Variants in ADA2 observed in about 807,000 individuals in gnomAD.
The protein encoded by ADA2 is adenosine deaminase CECR1.
ADA2 carries 29 observed loss-of-function variants against 44.2 expected under a neutral mutation model. The observed-to-expected ratio is 0.66, with a 90% confidence interval of 0.49 to 0.89. ADA2 has a LOEUF of 0.89. ADA2 is among the 40% of genes least tolerant of loss of function. ADA2 has a pLI of 0.00. For missense variants in ADA2, 637 were observed against 644.8 expected (o/e 0.99, Z 0.13); for synonymous variants, 215 against 234.9 (o/e 0.92, Z 0.77).
At chr22:17,188,080 AAAG>A (rs2062058619) in intron 7 of ADA2, among the ~76,000 whole-genome samples, 1 of 103,576 alleles carries the variant, frequency 9.7e-6, no homozygotes, top group Non-Finnish European at 2.1e-5. Context: ...TCCGTAAAAA[AAAG>A]AAAAAAAAAG....
chr22:17,200,903 T>TA (rs1272653682), intron 4 of ADA2, among the ~76,000 whole-genome samples: 2 of 130,942 alleles, frequency 1.5e-5, no homozygotes, highest in Admixed American at 1.5e-4. Context: ...AAAACATATC[T>TA]AAGGAAAAAG....
chr22:17,203,524 A>C, intron 4 of ADA2, 39 bp downstream of exon 4: 1 of 1,527,826 alleles, frequency 6.5e-7, no homozygotes, highest in South Asian at 1.1e-5. Flanking sequence ...AGGCCAGAGC[A>C]AAGGAGGTGG....
chr22:17,182,563 A>C (rs760508496), intron 8 of ADA2, 41 bp downstream of exon 8: 1 of 1,602,978 alleles, frequency 6.2e-7, no homozygotes, highest in South Asian at 1.1e-5. Flanking sequence ...GGTTGTGGTT[A>C]GGGGAGATCA....
At chr22:17,214,844 G>A (rs184564188) in intron 1 of ADA2, among the ~76,000 whole-genome samples, 10 of 152,340 alleles carry the variant, frequency 6.6e-5, no homozygotes, top group African/African-American at 2.2e-4. Context: ...ATTGCTAATG[G>A]ATCACAGCAT....
chr22:17,191,425 TG>T (rs1301875805), intron 5 of ADA2, among the ~76,000 whole-genome samples: 3 of 152,234 alleles, frequency 2.0e-5, no homozygotes, highest in Non-Finnish European at 4.4e-5. Context: ...GAGAATTATC[TG>T]GGAAATTCAC....
rs189445118 is a variant in ADA2, at chr22:17,180,795, A to G, written c.*688T>C. 1.1e-3 allele frequency: 170 copies of G among 152,378 alleles called. 1 individual carries two copies. Among genetic ancestry groups the G allele is most frequent in the African/African-American group, 3.8e-3 (159 of 41,578 alleles). The allele number at this position is 152,378 out of a possible 1,614,324, so 9.4% of individuals were successfully genotyped here. A position where few individuals can be genotyped will look rare whatever the true frequency, so the allele number is the denominator to read the frequency against. On this transcript the variant is annotated 3_prime_UTR_variant, in exon 10 of 10. Coordinates refer to ENST00000399837, the MANE Select transcript of ADA2 (RefSeq NM_001282225.2). ...AGCAAAGGAATGGATGAGACCACCCAGGAAAAGTGTACAGAGAGAGAAGAG... is the reference window on the plus strand; with the variant it reads ...AGCAAAGGAATGGATGAGACCACCCGGGAAAAGTGTACAGAGAGAGAAGAG...
At chr22:17,206,553 T>C (rs2062355661) in intron 3 of ADA2, among the ~76,000 whole-genome samples, 1 of 152,198 alleles carries the variant, frequency 6.6e-6, no homozygotes, top group African/African-American at 2.4e-5. Flanking sequence ...TTGTAGATTT[T>C]AAATGCACCA....
chr22:17,191,245 G>A (rs567554807), intron 5 of ADA2, among the ~76,000 whole-genome samples: 3 of 152,330 alleles, frequency 2.0e-5, no homozygotes, highest in Admixed American at 1.3e-4. Flanking sequence ...GTCCCCACAC[G>A]CAGACTTGAG....
At chr22:17,210,658 C>T (rs1181420302) in intron 1 of ADA2, among the ~76,000 whole-genome samples, 4 of 151,374 alleles carry the variant, frequency 2.6e-5, no homozygotes, top group Non-Finnish European at 4.4e-5. Flanking sequence ...ACTGCAGTGA[C>T]GTGATCTTGG....
chr22:17,201,351 G>A (rs543127485), intron 4 of ADA2, among the ~76,000 whole-genome samples: 5 of 152,216 alleles, frequency 3.3e-5, no homozygotes, highest in South Asian at 2.1e-4. Context: ...TTGATCCTGC[G>A]GAGTCCTATC....
Position 17,181,381 on chromosome 22 carries a change from G to T in ADA2, c.*102C>A. The T allele has an allele frequency of 1.2e-6, 1 of 811,384 alleles. No individual in the cohort carries two copies. Among genetic ancestry groups the T allele is most frequent in the Non-Finnish European group, 2.2e-6 (1 of 458,254 alleles). The allele number at this position is 811,384 out of a possible 1,614,324, so 50.3% of individuals were successfully genotyped here. On this transcript the variant is annotated 3_prime_UTR_variant, in exon 10 of 10. Transcript: ENST00000399837. ...TTCTCACAGGGTCGCTCCATACAGA[G>T]GCCATTGATTTCATGGGCACATGGA...
intron 4 of ADA2, among the ~76,000 whole-genome samples, chr22:17,200,015 T>G (rs1444065114): frequency 6.6e-6 from 1 of 152,026 alleles, no homozygotes; most frequent in African/African-American, 2.4e-5. Flanking sequence ...GCCAATATGG[T>G]GAAATCTCAT....
chr22:17,210,787 C>CTTTGT (rs2062410929), intron 1 of ADA2, among the ~76,000 whole-genome samples: 1 of 151,234 alleles, frequency 6.6e-6, no homozygotes, highest in African/African-American at 2.4e-5. Flanking sequence ...TAATAGAGAC[C>CTTTGT]ATATTGGCCA....
At chr22:17,192,085 A>G (rs935243604) in intron 4 of ADA2, among the ~76,000 whole-genome samples, 4 of 152,078 alleles carry the variant, frequency 2.6e-5, no homozygotes, top group African/African-American at 9.7e-5. Context: ...TTGTGTTTGG[A>G]TTAGGCCAAG....
At chr22:17,209,923 C>G in intron 1 of ADA2, 200 bp from the exon 2 acceptor site, 1 of 473,144 alleles carries the variant, frequency 2.1e-6, no homozygotes, top group Non-Finnish European at 3.7e-6. Context: ...CGGAGTCTCG[C>G]TCTGCTGCCC....
rs1487910167 is a variant in ADA2, at chr22:17,213,982, T to A, written c.-46-4259A>T. 14 of 327,320 alleles carry A rather than the reference T, an allele frequency of 4.3e-5. 1 individual carries two copies. In the East Asian group the frequency reaches 1.3e-3, roughly 32 times the overall value. 20.3% of individuals were successfully genotyped at this position (327,320 alleles called of 1,614,324 possible). On this transcript the variant is annotated intron_variant, in intron 1 of 9. Transcript: ENST00000399837. ...TGAACCCGGTAGGGAGAGGTTGCAG[T>A]GAGCCAAGATTGTTCCATTGCACTC...
chr22:17,198,699 C>G (rs1162293787), intron 4 of ADA2: 1 of 152,340 alleles, frequency 6.6e-6, no homozygotes, highest in Non-Finnish European at 1.5e-5. Flanking sequence ...TAAGTGCCAG[C>G]AGGGCCATCC....
At chr22:17,215,938 A>G (rs2062466343) in intron 1 of ADA2, among the ~76,000 whole-genome samples, 1 of 151,952 alleles carries the variant, frequency 6.6e-6, no homozygotes. Flanking sequence ...CCATCTCTAC[A>G]AAAAATTTAA....
chr22:17,192,644 A>G (rs2062133034), intron 4 of ADA2, among the ~76,000 whole-genome samples: 1 of 152,122 alleles, frequency 6.6e-6, no homozygotes, highest in African/African-American at 2.4e-5. Flanking sequence ...CCTGGCCAAC[A>G]TGGTGAAACC....
Sources: allele counts gnomAD v4.1 joint callset (sites outside exome capture counted in the v4.1 genomes callset), GRCh38; gene constraint gnomAD v4.1.1; transcripts MANE v1.5; gene names NCBI Gene and HGNC (gene_info 2026-07-23, HGNC 2026-07-21).